The following USP15 variants were observed in gnomAD, a reference collection of about 807,000 sequenced individuals.
USP15 encodes ubiquitin carboxyl-terminal hydrolase 15.
Under a neutral mutation model 127.1 loss-of-function variants are expected in USP15, and 18 were observed. The ratio of observed to expected loss-of-function variants is 0.14; its 90% CI spans 0.10 to 0.21. The LOEUF (loss-of-function observed/expected upper bound fraction) is 0.21. Among genes scored for constraint, USP15 ranks in the 10% least tolerant of loss-of-function variants. The probability of loss-of-function intolerance (pLI) is 1.00; values close to 1 mark genes in which losing one functional copy is unlikely to be tolerated. For synonymous variants in USP15, 364 were observed against 393.7 expected, an observed-to-expected ratio of 0.92 and a Z score of 0.89; for missense variants, 805 against 1,159.9, an observed-to-expected ratio of 0.69 and a Z score of 4.44.
In USP15 at chr12:62,299,114, G is replaced by A. The variant is rs189435990; in HGVS notation, c.218-3676G>A. On this transcript the variant is annotated intron_variant, in intron 2 of 21. Coordinates refer to ENST00000280377, the MANE Select transcript of USP15 (RefSeq NM_001252078.2). ...TCATATAAATGGAATCATACAATAT[G>A]TGTGTTTTTTTGTTTATTTTATTTT... Among the ~76,000 whole-genome samples the A allele has an allele frequency of 3.9e-5, 6 of 152,114 alleles. No homozygotes were observed. In the East Asian group the frequency reaches 7.7e-4, roughly 20 times the overall value.
chr12:62,391,286 A>C lies in USP15; in HGVS notation c.2090A>C (p.Glu697Ala). 6.2e-7 allele frequency: 1 copy of C among 1,613,664 alleles called. No homozygotes were observed. Residue 697 changes from glutamate (E) to alanine (A), a missense_variant, in exon 16 of 22, where the codon GAG (glutamate) becomes GCG (alanine). This residue lies in a region of USP15 where 225 missense variants were observed against 239.5 expected (regional missense o/e 0.94). Coordinates refer to ENST00000280377, the MANE Select transcript of USP15 (RefSeq NM_001252078.2). ...DNDSENGLCTEDTCKGQLTGH... is the reference protein window; with the variant it reads ...DNDSENGLCTADTCKGQLTGH... ...GATTCTGAAAATGGATTATGTACTGAGGATACTTGCAAAGGTCAACTCACG... is the reference window on the plus strand; with the variant it reads ...GATTCTGAAAATGGATTATGTACTGCGGATACTTGCAAAGGTCAACTCACG...
chr12:62,264,741 C>T (rs972123985), intron 1 of USP15, among the ~76,000 whole-genome samples: 4 of 152,100 alleles, frequency 2.6e-5, no homozygotes, highest in Non-Finnish European at 5.9e-5. Context: ...AGAAAATAAC[C>T]TTATACTCAC....
intron 4 of USP15, among the ~76,000 whole-genome samples, chr12:62,316,834 A>G (rs1335901250): frequency 1.3e-5 from 2 of 152,158 alleles, no homozygotes; most frequent in African/African-American, 4.8e-5. Flanking sequence ...TGTCACGAAG[A>G]TATGTAATTT....
At chr12:62,380,031 T>A (rs574049451) in intron 8 of USP15, among the ~76,000 whole-genome samples, 10 of 152,128 alleles carry the variant, frequency 6.6e-5, no homozygotes, top group African/African-American at 2.2e-4. Flanking sequence ...CCTGCTCACA[T>A]ATATTAAAAA....
At chr12:62,331,504 T>A (rs926133049) in intron 6 of USP15, among the ~76,000 whole-genome samples, 1 of 152,184 alleles carries the variant, frequency 6.6e-6, no homozygotes, top group Non-Finnish European at 1.5e-5. Context: ...GAATTTGCAT[T>A]TTAAGTACTT....
intron 19 of USP15, among the ~76,000 whole-genome samples, chr12:62,394,452 A>G (rs189239471): frequency 4.6e-5 from 7 of 152,242 alleles, no homozygotes; most frequent in Non-Finnish European, 1.0e-4. Context: ...TTTAAAATTT[A>G]AAATTATTTG....
At chr12:62,308,674 T>C (rs1458911161) in intron 3 of USP15, among the ~76,000 whole-genome samples, 1 of 152,136 alleles carries the variant, frequency 6.6e-6, no homozygotes, top group East Asian at 1.9e-4. Flanking sequence ...ACATGTACAT[T>C]GTACTTAGTC....
chr12:62,305,008 T>C (rs957877102), intron 3 of USP15: 2 of 205,526 alleles, frequency 9.7e-6, no homozygotes, highest in East Asian at 2.5e-4. Context: ...ATAGAAAATA[T>C]AGAGTCTAAA....
At chr12:62,304,014 C>T (rs547223375) in intron 3 of USP15, among the ~76,000 whole-genome samples, 14 of 151,298 alleles carry the variant, frequency 9.3e-5, no homozygotes, top group Admixed American at 8.5e-4. Flanking sequence ...TATTTCATTC[C>T]TAGGATAAAG....
chr12:62,355,305 C>T (rs753852657), intron 7 of USP15, 26 bp from the exon 8 acceptor site: 1 of 1,565,008 alleles, frequency 6.4e-7, no homozygotes, highest in South Asian at 1.2e-5. Context: ...TAATTGGCTG[C>T]ATTATGAAAA....
At chr12:62,300,247 A>T (rs367822862) in intron 2 of USP15, among the ~76,000 whole-genome samples, 1 of 152,082 alleles carries the variant, frequency 6.6e-6, no homozygotes, top group Non-Finnish European at 1.5e-5. Context: ...TAAGATTTAT[A>T]CTTACATTTT....
intron 7 of USP15, among the ~76,000 whole-genome samples, chr12:62,354,142 T>C (rs1341953359): frequency 4.0e-5 from 6 of 151,878 alleles, no homozygotes; most frequent in Non-Finnish European, 5.9e-5. Flanking sequence ...TGTGCGTGTG[T>C]GTGTGTGTAT....
intron 1 of USP15, among the ~76,000 whole-genome samples, chr12:62,289,219 T>A (rs1450136706): frequency 6.6e-6 from 1 of 151,130 alleles, no homozygotes; most frequent in Non-Finnish European, 1.5e-5. Context: ...CCTGAGCTTG[T>A]TGTTGTTGTT....
At chr12:62,385,614 T>C (rs1055127616) in intron 11 of USP15, among the ~76,000 whole-genome samples, 1 of 152,044 alleles carries the variant, frequency 6.6e-6, no homozygotes, top group Admixed American at 6.5e-5. Context: ...CTATCCCTTA[T>C]CTGTGAGCAG....
chr12:62,310,729 C>G (rs2064648076), intron 3 of USP15, among the ~76,000 whole-genome samples: 1 of 151,712 alleles, frequency 6.6e-6, no homozygotes, highest in African/African-American at 2.4e-5. Flanking sequence ...ACTTCTTTTC[C>G]TTTGGGTAGA....
At chr12:62,307,434 C>T (rs1182275977) in intron 3 of USP15, among the ~76,000 whole-genome samples, 1 of 152,094 alleles carries the variant, frequency 6.6e-6, no homozygotes, top group East Asian at 1.9e-4. Flanking sequence ...TATTTCCCCT[C>T]TTACAAAACA....
intron 6 of USP15, among the ~76,000 whole-genome samples, chr12:62,332,169 G>GAA (rs909177150): frequency 9.9e-6 from 1 of 101,118 alleles, no homozygotes; most frequent in African/African-American, 3.6e-5. Flanking sequence ...GTCTCAAAAA[G>GAA]AAAAAAAAAA....
chr12:62,400,444 A>G (rs2067646857), intron 20 of USP15, among the ~76,000 whole-genome samples: 1 of 152,090 alleles, frequency 6.6e-6, no homozygotes, highest in Non-Finnish European at 1.5e-5. Flanking sequence ...TAAATTGAAC[A>G]TAGTACTCAG....
chr12:62,396,459 TC>T (rs1440596773), intron 20 of USP15, 61 bp downstream of exon 20: 2 of 1,374,052 alleles, frequency 1.5e-6, no homozygotes, highest in Non-Finnish European at 2.1e-6. Flanking sequence ...CAGACTTTTT[TC>T]TTTAAGATAT....
Sources: gnomAD v4.1 joint callset for allele counts (sites outside exome capture counted in the v4.1 genomes callset) on GRCh38, gnomAD v4.1.1 for gene constraint, gnomAD v4.1.1 regional missense constraint, MANE v1.5 for transcripts, NCBI Gene and HGNC (gene_info 2026-07-23, HGNC 2026-07-21) for gene names.